The following SLC25A13 variants were observed in gnomAD, a reference collection of about 807,000 sequenced individuals.
SLC25A13 encodes electrogenic aspartate/glutamate antiporter SLC25A13, mitochondrial.
In SLC25A13, 70 loss-of-function variants were observed where a neutral mutation model predicts 85.5. That is an observed-to-expected ratio of 0.82 (90% CI 0.68 to 1.00). SLC25A13 has a LOEUF of 1.00. SLC25A13 is among the 50% of genes least tolerant of loss of function. SLC25A13 has a pLI of 0.00. For missense variants in SLC25A13, 765 were observed against 819.8 expected, an observed-to-expected ratio of 0.93 and a Z score of 0.82; for synonymous variants, 259 against 288.7, an observed-to-expected ratio of 0.90 and a Z score of 1.04.
At chr7:96,319,947 T>C (rs1282815942) in intron 1 of SLC25A13, among the ~76,000 whole-genome samples, 6 of 152,224 alleles carry the variant, frequency 3.9e-5, no homozygotes, top group African/African-American at 1.4e-4. Flanking sequence ...TACTATTATG[T>C]AGAAGTACAA....
At chr7:96,140,021 G>C (rs1286385503) in intron 14 of SLC25A13, among the ~76,000 whole-genome samples, 2 of 141,362 alleles carry the variant, frequency 1.4e-5, no homozygotes, top group East Asian at 2.1e-4. Context: ...TGCAGTGGCG[G>C]GATCTCGGCT....
intron 13 of SLC25A13, among the ~76,000 whole-genome samples, chr7:96,164,883 A>G (rs1459970482): frequency 1.3e-5 from 2 of 152,204 alleles, no homozygotes; most frequent in African/African-American, 4.8e-5. Context: ...ATCATTAAGT[A>G]TGGCTTGGAG....
chr7:96,278,513 C>A (rs1798544689), intron 2 of SLC25A13, among the ~76,000 whole-genome samples: 1 of 152,184 alleles, frequency 6.6e-6, no homozygotes, highest in Non-Finnish European at 1.5e-5. Flanking sequence ...GTGCCTCTTA[C>A]CACTTGAATG....
At chr7:96,129,474 T>A (rs1332329907) in intron 15 of SLC25A13, among the ~76,000 whole-genome samples, 3 of 152,092 alleles carry the variant, frequency 2.0e-5, no homozygotes, top group African/African-American at 7.2e-5. Context: ...TAAAAAAAAA[T>A]AACTGATTCA....
At chr7:96,304,163 G>A (rs1482983963) in intron 1 of SLC25A13, among the ~76,000 whole-genome samples, 2 of 152,180 alleles carry the variant, frequency 1.3e-5, no homozygotes, top group African/African-American at 2.4e-5. Flanking sequence ...ATGAAGAGCA[G>A]TCATTATGGG....
At chr7:96,294,195 C>A (rs539840792) in intron 2 of SLC25A13, among the ~76,000 whole-genome samples, 4 of 152,024 alleles carry the variant, frequency 2.6e-5, no homozygotes, top group Admixed American at 1.3e-4. Context: ...AAAACAAACA[C>A]CACATGTTCT....
intron 4 of SLC25A13, among the ~76,000 whole-genome samples, chr7:96,213,077 C>T (rs938433893): frequency 6.6e-6 from 1 of 152,154 alleles, no homozygotes. Context: ...AAAACTCACA[C>T]ATTTTCTCCA....
At chr7:96,267,526 T>C (rs1459004786) in intron 3 of SLC25A13, among the ~76,000 whole-genome samples, 2 of 152,178 alleles carry the variant, frequency 1.3e-5, no homozygotes, top group Admixed American at 6.6e-5. Context: ...AAAGGAATTA[T>C]CTGAGGCCGG....
At chr7:96,198,068 A>G (rs887653606) in intron 5 of SLC25A13, among the ~76,000 whole-genome samples, 1 of 152,228 alleles carries the variant, frequency 6.6e-6, no homozygotes, top group Non-Finnish European at 1.5e-5. Context: ...CAAGAATTTA[A>G]CCTTATCTTT....
chr7:96,320,213 G>C (rs911238920), intron 1 of SLC25A13, among the ~76,000 whole-genome samples: 3 of 152,082 alleles, frequency 2.0e-5, no homozygotes, highest in Admixed American at 1.3e-4. Flanking sequence ...TGCCACGTTG[G>C]CCAGGCTGGT....
rs1791473955 is a variant in SLC25A13, at chr7:96,120,985, G to A, written c.*206C>T. On this transcript the variant is annotated 3_prime_UTR_variant, in exon 18 of 18. Transcript: ENST00000265631. Reference sequence around the variant, plus strand: ...TGCAAACAAAGGTTTCTGGGCAGAGGGCCAAATAATAATTATGAATAATTT... The same window carrying A: ...TGCAAACAAAGGTTTCTGGGCAGAGAGCCAAATAATAATTATGAATAATTT... 1 of 707,880 alleles carries A rather than the reference G, an allele frequency of 1.4e-6. No individual in the cohort carries two copies. Among genetic ancestry groups the A allele is most frequent in the African/African-American group, 1.7e-5 (1 of 57,216 alleles). 43.8% of individuals were successfully genotyped at this position (707,880 alleles called of 1,614,324 possible). A position where few individuals can be genotyped will look rare whatever the true frequency, so the allele number is the denominator to read the frequency against.
intron 1 of SLC25A13, among the ~76,000 whole-genome samples, chr7:96,320,820 ATT>A (rs1365049516): frequency 6.6e-6 from 1 of 152,218 alleles, no homozygotes; most frequent in African/African-American, 2.4e-5. Flanking sequence ...ATTTAAATAT[ATT>A]TGTCTGCTTA....
intron 11 of SLC25A13, among the ~76,000 whole-genome samples, chr7:96,172,952 G>T (rs1562814454): frequency 2.0e-5 from 3 of 152,136 alleles, no homozygotes; most frequent in Admixed American, 1.3e-4. Context: ...TAGAGATGGG[G>T]TTTCACCATG....
chr7:96,305,064 G>A (rs945273890), intron 1 of SLC25A13, among the ~76,000 whole-genome samples: 1 of 152,098 alleles, frequency 6.6e-6, no homozygotes, highest in Non-Finnish European at 1.5e-5. Flanking sequence ...TATGCTAATG[G>A]CTTTTTATCT....
intron 14 of SLC25A13, among the ~76,000 whole-genome samples, chr7:96,136,583 A>C (rs867433134): frequency 6.6e-6 from 1 of 152,166 alleles, no homozygotes. Context: ...TCACCTGCCC[A>C]ATCAATCCAA....
chr7:96,142,633 G>C (rs961774655), intron 14 of SLC25A13, among the ~76,000 whole-genome samples: 14 of 152,154 alleles, frequency 9.2e-5, no homozygotes, highest in African/African-American at 3.4e-4. Context: ...TTTTTTTAAG[G>C]ATATATTAAT....
chr7:96,267,800 CAA>C (rs551752880), intron 3 of SLC25A13, among the ~76,000 whole-genome samples: 27 of 122,464 alleles, frequency 2.2e-4, no homozygotes, highest in African/African-American at 5.5e-4. Flanking sequence ...GACTCTGTCT[CAA>C]AAAAAAAAAA....
At chr7:96,218,323 T>A (rs977305271) in intron 4 of SLC25A13, among the ~76,000 whole-genome samples, 1 of 152,168 alleles carries the variant, frequency 6.6e-6, no homozygotes, top group Non-Finnish European at 1.5e-5. Context: ...TTCTATTATG[T>A]TTCTTAAAGT....
chr7:96,244,506 C>T (rs1797111280), intron 3 of SLC25A13, among the ~76,000 whole-genome samples: 1 of 152,204 alleles, frequency 6.6e-6, no homozygotes, highest in Admixed American at 6.5e-5. Context: ...CCTATAGGGT[C>T]TTACCTTTGC....
Sources: allele counts gnomAD v4.1 joint callset (sites outside exome capture counted in the v4.1 genomes callset), GRCh38; gene constraint gnomAD v4.1.1; transcripts MANE v1.5; gene names NCBI Gene and HGNC (gene_info 2026-07-23, HGNC 2026-07-21).